USP7: variants seen among roughly 807,000 people sequenced by gnomAD.
USP7 encodes the protein ubiquitin C-terminal hydrolase 7.
A neutral mutation model predicts 162.9 loss-of-function variants in USP7; 9 were observed. The ratio of observed to expected loss-of-function variants is 0.06; its 90% CI spans 0.03 to 0.10. The LOEUF is 0.10. USP7 is among the 10% of genes least tolerant of loss of function. USP7 has a pLI of 1.00. For missense variants in USP7, 715 were observed against 1,373.7 expected (o/e 0.52, Z 7.58); for synonymous variants, 562 against 475.9 (o/e 1.18, Z -2.35).
At chr16:8,903,889 GA>G (rs998396726) in intron 15 of USP7, among the ~76,000 whole-genome samples, 2 of 149,578 alleles carry the variant, frequency 1.3e-5, no homozygotes, top group Non-Finnish European at 3.0e-5. Context: ...AAAAGGAAAA[GA>G]AAAAAGAAAA....
chr16:8,900,852 G>T, intron 20 of USP7, 138 bp downstream of exon 20: 2 of 866,308 alleles, frequency 2.3e-6, no homozygotes, highest in Non-Finnish European at 1.7e-6. Context: ...ATCTAAATAT[G>T]TCATTCTCAA....
chr16:8,905,077 A>G, intron 14 of USP7, 110 bp downstream of exon 14: 3 of 1,381,592 alleles, frequency 2.2e-6, no homozygotes, highest in Non-Finnish European at 3.0e-6. Flanking sequence ...CTGTGAATAC[A>G]ATGGAATAAG....
intron 15 of USP7, among the ~76,000 whole-genome samples, chr16:8,903,636 GC>G: frequency 6.6e-6 from 1 of 152,184 alleles, no homozygotes; most frequent in Non-Finnish European, 1.5e-5. Context: ...GGAGGCCGAG[GC>G]GGGCGGATCA....
At chr16:8,962,733 T>A (rs1056983275) in intron 1 of USP7, 2 of 165,248 alleles carry the variant, frequency 1.2e-5, no homozygotes, top group African/African-American at 2.4e-5. Flanking sequence ...GAAAGTGATT[T>A]GGAAGAGCGC....
At position 8,902,554 on chromosome 16, in the gene USP7, T is replaced by C. The variant is rs1476569737; in HGVS notation, c.1840-72A>G. On this transcript the variant is annotated intron_variant, in intron 16 of 30. Coordinates refer to ENST00000344836, the MANE Select transcript of USP7 (RefSeq NM_003470.3). Reference sequence around the variant, plus strand: ...TTTAGTCCTCTATATTACACACACATATGTATATACATATACATATATATA... The same window carrying C: ...TTTAGTCCTCTATATTACACACACACATGTATATACATATACATATATATA... 8.4e-6 allele frequency: 10 copies of C among 1,192,576 alleles called. No individual in the cohort carries two copies. In the Admixed American group the frequency reaches 1.9e-4, roughly 22 times the overall value. 73.9% of individuals were successfully genotyped at this position (1,192,576 alleles called of 1,614,324 possible).
chr16:8,932,498 G>C (rs903709369), intron 1 of USP7, among the ~76,000 whole-genome samples: 2 of 152,102 alleles, frequency 1.3e-5, no homozygotes, highest in African/African-American at 4.8e-5. Flanking sequence ...ACTGTGGAAG[G>C]GGGTTAAGGA....
At chr16:8,919,863 C>G (rs1897590901) in intron 5 of USP7, among the ~76,000 whole-genome samples, 1 of 152,146 alleles carries the variant, frequency 6.6e-6, no homozygotes, top group African/African-American at 2.4e-5. Flanking sequence ...CAGCACCTTG[C>G]CACTCCAGGG....
At chr16:8,925,371 C>G (rs980267590) in intron 2 of USP7, among the ~76,000 whole-genome samples, 1 of 152,102 alleles carries the variant, frequency 6.6e-6, no homozygotes, top group Non-Finnish European at 1.5e-5. Context: ...CAGAAGCAAC[C>G]AAATGGAAAA....
At chr16:8,948,616 C>A (rs1454104193) in intron 1 of USP7, among the ~76,000 whole-genome samples, 1 of 152,192 alleles carries the variant, frequency 6.6e-6, no homozygotes, top group Non-Finnish European at 1.5e-5. Context: ...TTTGCTAAAT[C>A]ATGGTGAAGT....
chr16:8,910,846 A>C lies in USP7; in HGVS notation c.1079-19T>G. 1 of 1,601,630 alleles carries C rather than the reference A, an allele frequency of 6.2e-7. No homozygotes were observed. Among genetic ancestry groups the C allele is most frequent in the Non-Finnish European group, 8.5e-7 (1 of 1,169,652 alleles). The stretch of plus-strand genomic sequence containing the variant: ...TCAAATACTTTAAAGAGAGAGAGAG[A>C]AAAGTCAAGTGCTAAAGCTTCATTT... On this transcript the variant is annotated intron_variant, in intron 10 of 30. Transcript: ENST00000344836.
At position 8,892,653 on chromosome 16, in the gene USP7, A is replaced by G. The variant is rs1173750921; in HGVS notation, c.*1345T>C. On this transcript the variant is annotated 3_prime_UTR_variant, in exon 31 of 31. Transcript: ENST00000344836. ...AAGAAACAAGAGACCCTGCCCCCGC[A>G]AAACGGAATTAGAAGGAAAAGTACA... The G allele has an allele frequency of 1.3e-5, 2 of 151,486 alleles. No individual in the cohort carries two copies. Among genetic ancestry groups the G allele is most frequent in the Non-Finnish European group, 1.5e-5 (1 of 67,928 alleles). The allele number at this position is 151,486 out of a possible 1,614,324, so 9.4% of individuals were successfully genotyped here.
At chr16:8,917,275 T>C (rs1452292738) in intron 6 of USP7, 119 bp from the exon 7 acceptor site, 14 of 1,256,404 alleles carry the variant, frequency 1.1e-5, no homozygotes, top group Middle Eastern at 2.9e-4. Flanking sequence ...ATGGCTAAGG[T>C]TGTTGTTAGG....
intron 21 of USP7, 83 bp downstream of exon 21, chr16:8,900,447 A>G: frequency 1.0e-6 from 1 of 986,224 alleles, no homozygotes. Context: ...CTCGGGATCT[A>G]GGTACAAATG....
intron 25 of USP7, among the ~76,000 whole-genome samples, chr16:8,897,726 A>AAAAAT (rs1555461671): frequency 1.4e-4 from 1 of 7,138 alleles, no homozygotes; most frequent in Non-Finnish European, 2.3e-4. Flanking sequence ...AAAAAAAAAA[A>AAAAAT]ATATATATAT....
intron 18 of USP7, 77 bp downstream of exon 18, chr16:8,902,005 C>T: frequency 8.2e-7 from 1 of 1,222,226 alleles, no homozygotes; most frequent in Non-Finnish European, 1.2e-6. Context: ...AAGGCTTAAC[C>T]CTGTGTGTTT....
chr16:8,902,577 A>G, intron 16 of USP7, 95 bp from the exon 17 acceptor site: 3 of 971,048 alleles, frequency 3.1e-6, no homozygotes, highest in Non-Finnish European at 4.5e-6. Flanking sequence ...ATACATATAT[A>G]TATATAGTCA....
intron 25 of USP7, among the ~76,000 whole-genome samples, chr16:8,897,620 T>C (rs1443591590): frequency 7.1e-6 from 1 of 140,508 alleles, no homozygotes; most frequent in African/African-American, 2.7e-5. Flanking sequence ...GCCAACACTC[T>C]GGGAGGCTGA....
rs373482138 is a variant in USP7, at chr16:8,894,647, G to GA, written c.3112-8dup. On this transcript the variant is annotated splice_region_variant and splice_polypyrimidine_tract_variant and intron_variant, in intron 29 of 30. Coordinates refer to ENST00000344836, the MANE Select transcript of USP7 (RefSeq NM_003470.3). Reference sequence around the variant, plus strand: ...TTACAATTGCAAATTTAAACTAAAAGAAAAAAAATTAAAACTCCTCCGTTA... The same window carrying GA: ...TTACAATTGCAAATTTAAACTAAAAGAAAAAAAAATTAAAACTCCTCCGTTA... The GA allele has an allele frequency of 5.0e-6, 8 of 1,610,898 alleles. No homozygotes were observed. The highest frequency in any genetic ancestry group is 2.2e-5 in the East Asian group (1 of 44,860).
rs982273663 is a variant in USP7 at position 8,897,030 on chromosome 16, C to T, written c.2788G>A (p.Glu930Lys). The change falls in exon 26 of 31, where the codon GAG (glutamate) becomes AAG (lysine). Residue 930 changes from glutamate (E) to lysine (K), a missense_variant. Glu to Lys is a moderately conservative substitution (Grantham distance 56). Coordinates refer to ENST00000344836, the MANE Select transcript of USP7 (RefSeq NM_003470.3). ...TTCCCTGATGCTTTCTCCCCAAGCTCCACGGCCTTTTTACATTCTTCTAAC... is the reference window on the plus strand; with the variant it reads ...TTCCCTGATGCTTTCTCCCCAAGCTTCACGGCCTTTTTACATTCTTCTAAC... ...DLLEECKKAV[E>K]LGEKASGKLR... The T allele has an allele frequency of 6.2e-7, 1 of 1,614,072 alleles. No individual in the cohort carries two copies. The highest frequency in any genetic ancestry group is 8.5e-7 in the Non-Finnish European group (1 of 1,180,018).
Sources: gnomAD v4.1 joint callset for allele counts (sites outside exome capture counted in the v4.1 genomes callset) on GRCh38, gnomAD v4.1.1 for gene constraint, MANE v1.5 for transcripts, NCBI Gene and HGNC (gene_info 2026-07-23, HGNC 2026-07-21) for gene names.